The following PTPRK variants were observed in gnomAD, a reference collection of about 807,000 sequenced individuals.
PTPRK encodes protein tyrosine phosphatase receptor type K.
In PTPRK, 75 loss-of-function variants were observed where a neutral mutation model predicts 178.0. The ratio of observed to expected loss-of-function variants is 0.42; its 90% confidence interval spans 0.35 to 0.51. The LOEUF (loss-of-function observed/expected upper bound fraction) is 0.51. Ranked by LOEUF, PTPRK falls within the 20% of genes least tolerant of loss-of-function variation. PTPRK has a pLI of 0.02. For missense variants in PTPRK, 1,441 were observed against 1,797.8 expected (o/e 0.80, Z 3.59); for synonymous variants, 637 against 620.6 (o/e 1.03, Z -0.39).
intron 22 of PTPRK, among the ~76,000 whole-genome samples, 197 bp downstream of exon 22, chr6:127,985,524 A>C (rs953812220): frequency 5.3e-5 from 8 of 152,206 alleles, no homozygotes; most frequent in Non-Finnish European, 1.2e-4. Flanking sequence ...ATTAGGATGA[A>C]TGTATGTATT....
rs1244830343 is a variant in PTPRK at position 127,996,957 on chromosome 6, T to A, written c.2711A>T (p.Asp904Val). 6.2e-7 allele frequency: 1 copy of A among 1,611,814 alleles called. No individual in the cohort carries two copies. Among genetic ancestry groups the A allele is most frequent in the Non-Finnish European group, 8.5e-7 (1 of 1,178,886 alleles). Residue 904 changes from aspartate to valine, a missense_variant, in exon 17 of 30, where the codon GAT becomes GTT. Asp to Val is a radical substitution (Grantham distance 152). This residue lies in a region of PTPRK where 945 missense variants were observed against 1,080.6 expected (regional missense o/e 0.87). Coordinates refer to ENST00000368226, the MANE Select transcript of PTPRK (RefSeq NM_002844.4). ...SFFEGQSASW[D>V]VAKKDQNRAK... The stretch of plus-strand genomic sequence containing the variant: ...TCTATTTTGATCTTTTTTAGCTACA[T>A]CCCAAGATGCTGACTGTCCTTCAAA...
At chr6:128,283,714 G>C (rs1822038038) in intron 3 of PTPRK, among the ~76,000 whole-genome samples, 2 of 152,100 alleles carry the variant, frequency 1.3e-5, no homozygotes. Flanking sequence ...TAAGAAAATA[G>C]GTTTAGTAGT....
chr6:128,506,236 C>T (rs1017505618), intron 1 of PTPRK, among the ~76,000 whole-genome samples: 2 of 152,186 alleles, frequency 1.3e-5, no homozygotes, highest in Non-Finnish European at 1.5e-5. Context: ...CCAGATAGGA[C>T]ATAATACTTA....
rs547077308 is a variant in PTPRK at position 128,336,310 on chromosome 6, T to C, written c.224-14000A>G. ...ATGGGTAAACACAAACATTGAGAAA[T>C]TGTAGAGTTTTAGTTCCCACACTAA... On this transcript the variant is annotated intron_variant, in intron 2 of 29. Transcript: ENST00000368226. 4.6e-5 allele frequency among the ~76,000 whole-genome samples: 7 copies of C among 152,026 alleles called. No individual in the cohort carries two copies. The South Asian group carries it at 8.3e-4, about 18-fold the overall frequency.
At chr6:128,003,227 T>C (rs898666947) in intron 15 of PTPRK, 3 of 1,604,772 alleles carry the variant, frequency 1.9e-6, no homozygotes, top group African/African-American at 1.3e-5. Flanking sequence ...AGTGGATCAT[T>C]GGGCACTGCA....
chr6:128,367,380 G>A (rs1012342253), intron 2 of PTPRK, among the ~76,000 whole-genome samples: 5 of 152,152 alleles, frequency 3.3e-5, no homozygotes, highest in Non-Finnish European at 7.4e-5. Flanking sequence ...CAAGGAGTAT[G>A]TAAAACCAGC....
At chr6:128,183,957 G>T (rs567557298) in intron 7 of PTPRK, among the ~76,000 whole-genome samples, 1 of 152,278 alleles carries the variant, frequency 6.6e-6, no homozygotes, top group Non-Finnish European at 1.5e-5. Context: ...AGGACATTCT[G>T]AAGAAAATAG....
chr6:128,180,863 A>C (rs1801807174), intron 7 of PTPRK, among the ~76,000 whole-genome samples: 1 of 152,022 alleles, frequency 6.6e-6, no homozygotes, highest in Non-Finnish European at 1.5e-5. Flanking sequence ...CTCATGCTAT[A>C]CTATTATAAG....
chr6:128,169,984 A>G (rs1800007890), intron 7 of PTPRK, among the ~76,000 whole-genome samples: 2 of 152,098 alleles, frequency 1.3e-5, no homozygotes, highest in Non-Finnish European at 2.9e-5. Flanking sequence ...TTAGTGAATG[A>G]ATATCTTCAA....
At chr6:128,478,031 T>C (rs890548404) in intron 1 of PTPRK, among the ~76,000 whole-genome samples, 1 of 152,144 alleles carries the variant, frequency 6.6e-6, no homozygotes, top group African/African-American at 2.4e-5. Flanking sequence ...GGCAAATGTG[T>C]GGAACGTCAT....
chr6:128,337,052 A>AT (rs1831031340), intron 2 of PTPRK, among the ~76,000 whole-genome samples: 1 of 152,050 alleles, frequency 6.6e-6, no homozygotes, highest in Non-Finnish European at 1.5e-5. Context: ...TAAAATAAGC[A>AT]TTTTTGCCTG....
intron 4 of PTPRK, among the ~76,000 whole-genome samples, chr6:128,240,549 T>C (rs1020563682): frequency 6.6e-6 from 1 of 152,176 alleles, no homozygotes; most frequent in Non-Finnish European, 1.5e-5. Context: ...AATGAAAACA[T>C]ATAATGATTT....
At chr6:128,010,253 C>G (rs1399047037) in intron 13 of PTPRK, among the ~76,000 whole-genome samples, 1 of 151,178 alleles carries the variant, frequency 6.6e-6, no homozygotes, top group Non-Finnish European at 1.5e-5. Flanking sequence ...ATTGGTGTAA[C>G]AAGAGTCCAG....
rs377281466 is a variant in PTPRK, at chr6:128,003,906, C to A, written c.2494+1178G>T. Reference sequence around the variant, plus strand: ...ATTATAACTAAATTCCAAAATGACTCATGTATAGCATCCTTAACTACTAAT... The same window carrying A: ...ATTATAACTAAATTCCAAAATGACTAATGTATAGCATCCTTAACTACTAAT... On this transcript the variant is annotated intron_variant, in intron 15 of 29. Coordinates refer to ENST00000368226, the MANE Select transcript of PTPRK (RefSeq NM_002844.4). Among the ~76,000 whole-genome samples, 11 of 151,830 alleles carry A rather than the reference C, an allele frequency of 7.2e-5. 1 individual carries two copies. The highest frequency in any genetic ancestry group is 6.6e-4 in the Admixed American group (10 of 15,186).
At chr6:128,238,743 C>T (rs1813823398) in intron 5 of PTPRK, among the ~76,000 whole-genome samples, 1 of 152,204 alleles carries the variant, frequency 6.6e-6, no homozygotes, top group Non-Finnish European at 1.5e-5. Flanking sequence ...AAAAATTATC[C>T]TATTTTTCAA....
At chr6:128,459,943 C>T (rs1324860723) in intron 1 of PTPRK, among the ~76,000 whole-genome samples, 1 of 152,128 alleles carries the variant, frequency 6.6e-6, no homozygotes, top group Non-Finnish European at 1.5e-5. Flanking sequence ...AGCACAGCAT[C>T]TCACATGGCA....
rs1032322592 is a variant in PTPRK at position 128,336,729 on chromosome 6, G to A, written c.224-14419C>T. Among the ~76,000 whole-genome samples the A allele has an allele frequency of 1.2e-4, 18 of 152,118 alleles. 1 individual carries two copies. Among genetic ancestry groups the A allele is most frequent in the Admixed American group, 1.0e-3 (16 of 15,274 alleles). ...AAGTATCTCCCTAAGAACTGTTTCT[G>A]TAACTAAACAAACAAATAAACAAAA... On this transcript the variant is annotated intron_variant, in intron 2 of 29. Coordinates refer to ENST00000368226, the MANE Select transcript of PTPRK (RefSeq NM_002844.4).
intron 15 of PTPRK, chr6:128,000,079 T>TA (rs78615852): frequency 0.049 from 31,418 of 642,324 alleles, no homozygotes; most frequent in Non-Finnish European, 0.055. Context: ...ACTTACCACT[T>TA]AAAAAAAAAA....
chr6:128,035,573 T>G (rs1776074456), intron 13 of PTPRK, among the ~76,000 whole-genome samples: 1 of 152,176 alleles, frequency 6.6e-6, no homozygotes, highest in Non-Finnish European at 1.5e-5. Flanking sequence ...TGTGGACATA[T>G]CTGTATTCTA....
Sources: gnomAD v4.1 joint callset for allele counts (sites outside exome capture counted in the v4.1 genomes callset) on GRCh38, gnomAD v4.1.1 for gene constraint, gnomAD v4.1.1 regional missense constraint, MANE v1.5 for transcripts, NCBI Gene and HGNC (gene_info 2026-07-23, HGNC 2026-07-21) for gene names.